The following AOX1 variants were observed in gnomAD, a reference collection of about 807,000 sequenced individuals.
AOX1 encodes aldehyde oxidase.
AOX1 carries 153 observed loss-of-function variants against 169.5 expected under a neutral mutation model. The ratio of observed to expected loss-of-function variants is 0.90; its 90% CI spans 0.79 to 1.03. The LOEUF (loss-of-function observed/expected upper bound fraction) is 1.03. Ranked by LOEUF, AOX1 falls within the 50% of genes least tolerant of loss-of-function variation. The pLI, the probability that AOX1 is intolerant of heterozygous loss-of-function variation, is 0.00. For synonymous variants in AOX1, 562 were observed against 581.9 expected (o/e 0.97, Z 0.49); for missense variants, 1,656 against 1,663.9 (o/e 1.00, Z 0.08).
chr2:200,676,548 C>T (rs563448377), intron 4 of AOX1, among the ~76,000 whole-genome samples: 31 of 145,824 alleles, frequency 2.1e-4, no homozygotes, highest in African/African-American at 6.9e-4. Flanking sequence ...TGCAGTGAGC[C>T]GAGATCACAC....
At position 200,602,329 on chromosome 2, in the gene AOX1, G is replaced by A; in HGVS notation, c.482G>A (p.Cys161Tyr). The A allele has an allele frequency of 6.2e-7, 1 of 1,613,818 alleles. No homozygotes were observed. The highest frequency in any genetic ancestry group is 8.5e-7 in the Non-Finnish European group (1 of 1,179,882). ...CTGYRPIIDA[C>Y]KTFCKTSGCC... ...GGATACAGGCCCATAATTGATGCAT[G>A]CAAGACTTTCTGTAAAGTAAGTGGA... Residue 161 changes from cysteine to tyrosine, a missense_variant, in exon 6 of 35, where the codon TGC becomes TAC. Transcript: ENST00000374700.
chr2:200,658,414 T>C (rs1436661024), intron 27 of AOX1, among the ~76,000 whole-genome samples: 1 of 152,228 alleles, frequency 6.6e-6, no homozygotes, highest in East Asian at 1.9e-4. Flanking sequence ...TTCAGTGTTT[T>C]CCTTATTGGA....
At chr2:200,621,398 A>G in intron 18 of AOX1, 152 bp downstream of exon 18, 1 of 686,238 alleles carries the variant, frequency 1.5e-6, no homozygotes, top group Non-Finnish European at 2.3e-6. Flanking sequence ...TATTGAATGA[A>G]TTCAAATATA....
In AOX1 at chr2:200,605,632, A is replaced by G; in HGVS notation, c.907+4A>G. 7.0e-7 allele frequency: 1 copy of G among 1,418,848 alleles called. No homozygotes were observed. The highest frequency in any genetic ancestry group is 9.5e-7 in the Non-Finnish European group (1 of 1,053,508). The allele number at this position is 1,418,848 out of a possible 1,614,324, so 87.9% of individuals were successfully genotyped here. On this transcript the variant is annotated splice_donor_region_variant and intron_variant, in intron 10 of 34. Transcript: ENST00000374700. ...GTTGTAAACCATGCATATAATGGTGAGTTCTCAAGTCCCTGTTTTCTTAGT... is the reference window on the plus strand; with the variant it reads ...GTTGTAAACCATGCATATAATGGTGGGTTCTCAAGTCCCTGTTTTCTTAGT...
intron 19 of AOX1, among the ~76,000 whole-genome samples, chr2:200,625,194 C>T (rs995971120): frequency 2.3e-4 from 35 of 152,152 alleles, no homozygotes; most frequent in African/African-American, 8.4e-4. Flanking sequence ...ACTCTGTTCC[C>T]TTCTCAGGCC....
chr2:200,616,423 G>A (rs1363869273), intron 16 of AOX1, among the ~76,000 whole-genome samples: 1 of 152,196 alleles, frequency 6.6e-6, no homozygotes, highest in Non-Finnish European at 1.5e-5. Flanking sequence ...CAAGGCCATG[G>A]GCTGCTTTGC....
intron 13 of AOX1, among the ~76,000 whole-genome samples, chr2:200,612,083 C>G (rs1333323806): frequency 6.6e-6 from 1 of 152,124 alleles, no homozygotes; most frequent in Admixed American, 6.6e-5. Context: ...GTCCCATAAG[C>G]CTTTCTCCCT....
Position 200,611,396 on chromosome 2 carries a change from A to T in AOX1, c.1166A>T (p.Gln389Leu), listed in dbSNP as rs1179169587. Residue 389 changes from glutamine (Q) to leucine (L), a missense_variant, in exon 13 of 35, where the codon CAG (glutamine) becomes CTG (leucine). Coordinates refer to ENST00000374700, the MANE Select transcript of AOX1 (RefSeq NM_001159.4). The part of the protein sequence containing the change: ...LNLLSKEGKR[Q>L]IPLNEQFLSK... ...TTTCTTTCCACAGAAGGAAAACGAC[A>T]GATTCCTTTAAATGAGCAATTCCTC... 1.7e-5 allele frequency: 28 copies of T among 1,612,694 alleles called. No individual in the cohort carries two copies. The highest frequency in any genetic ancestry group is 2.1e-5 in the Non-Finnish European group (25 of 1,178,736).
chr2:200,588,726 C>CTTTTTTTTTTCTTTTTTTT (rs2034096771), intron 1 of AOX1, among the ~76,000 whole-genome samples: 2 of 53,986 alleles, frequency 3.7e-5, no homozygotes, highest in African/African-American at 1.2e-4. Flanking sequence ...CTAGAATAAG[C>CTTTTTTTTTTCTTTTTTTT]TTTTTTTTTT....
intron 9 of AOX1, 33 bp from the exon 10 acceptor site, chr2:200,605,503 C>CT: frequency 1.8e-6 from 2 of 1,109,506 alleles, no homozygotes; most frequent in Non-Finnish European, 2.5e-6. Flanking sequence ...TTATTCTAGT[C>CT]TTATTGATTT....
At position 200,595,309 on chromosome 2, in the gene AOX1, A is replaced by G. The variant is rs1465914196; in HGVS notation, c.141A>G (p.Gly47=). 6.2e-7 allele frequency: 1 copy of G among 1,613,224 alleles called. No individual in the cohort carries two copies. The highest frequency in any genetic ancestry group is 1.1e-5 in the South Asian group (1 of 91,026). The change falls in exon 3 of 35, where the codon GGA becomes GGG. Residue 47 remains glycine, a synonymous_variant. Coordinates refer to ENST00000374700, the MANE Select transcript of AOX1 (RefSeq NM_001159.4). ...LTGTKYGCGG[G]GCGACTVMIS... is the part of the protein sequence containing the mutation. Reference sequence around the variant, plus strand: ...GAACTAAGTATGGCTGTGGAGGAGGAGGCTGTGGTGCTTGTACAGTGATGA... The same window carrying G: ...GAACTAAGTATGGCTGTGGAGGAGGGGGCTGTGGTGCTTGTACAGTGATGA...
At chr2:200,657,183 TATA>T (rs1216950544) in intron 27 of AOX1, among the ~76,000 whole-genome samples, 10 of 73,426 alleles carry the variant, frequency 1.4e-4, no homozygotes, top group African/African-American at 3.3e-4. Flanking sequence ...TATATATATA[TATA>T]TATATTTTTT....
intron 23 of AOX1, among the ~76,000 whole-genome samples, chr2:200,639,901 G>GT (rs1462325669): frequency 2.0e-5 from 3 of 151,942 alleles, no homozygotes; most frequent in African/African-American, 7.3e-5. Flanking sequence ...GCCGGGCATG[G>GT]TGGCAGGCAC....
At chr2:200,599,788 AT>A in intron 5 of AOX1, 42 bp downstream of exon 5, 1 of 1,350,802 alleles carries the variant, frequency 7.4e-7, no homozygotes, top group Non-Finnish European at 9.6e-7. Flanking sequence ...ATTTTTATTT[AT>A]TTATTTATTT....
chr2:200,598,800 T>C (rs2034343199), intron 4 of AOX1, among the ~76,000 whole-genome samples: 1 of 151,012 alleles, frequency 6.6e-6, no homozygotes, highest in African/African-American at 2.4e-5. Flanking sequence ...AGATCAAATA[T>C]GAGAAAAGAT....
intron 20 of AOX1, among the ~76,000 whole-genome samples, chr2:200,629,203 A>T (rs2035065211): frequency 6.6e-6 from 1 of 152,172 alleles, no homozygotes; most frequent in Non-Finnish European, 1.5e-5. Context: ...GTCACCTACC[A>T]GTTTTCCTTG....
chr2:200,600,477 G>GGT (rs2034389304), intron 5 of AOX1, among the ~76,000 whole-genome samples: 1 of 47,052 alleles, frequency 2.1e-5, no homozygotes, highest in Non-Finnish European at 4.4e-5. Context: ...GTATGTGGCG[G>GGT]GGGGGGACAT....
chr2:200,599,311 C>T (rs1487480034), intron 4 of AOX1, among the ~76,000 whole-genome samples: 1 of 152,184 alleles, frequency 6.6e-6, no homozygotes, highest in African/African-American at 2.4e-5. Flanking sequence ...GCCCGTGCCC[C>T]ATTCCCAGAG....
intron 26 of AOX1, among the ~76,000 whole-genome samples, chr2:200,654,220 A>C (rs1163801070): frequency 6.9e-6 from 1 of 145,002 alleles, no homozygotes; most frequent in African/African-American, 2.8e-5. Context: ...AAAAAAAAAA[A>C]AAAAAAAAAA....
Sources: gnomAD v4.1 joint callset for allele counts (sites outside exome capture counted in the v4.1 genomes callset) on GRCh38, gnomAD v4.1.1 for gene constraint, MANE v1.5 for transcripts, NCBI Gene and HGNC (gene_info 2026-07-23, HGNC 2026-07-21) for gene names.